KIAA0319L: variants seen among roughly 807,000 people sequenced by gnomAD.
KIAA0319L encodes dyslexia-associated protein KIAA0319-like protein.
KIAA0319L carries 55 observed loss-of-function variants against 120.1 expected under a neutral mutation model. That is an observed-to-expected ratio of 0.46 (90% CI 0.37 to 0.57). The LOEUF (loss-of-function observed/expected upper bound fraction) is 0.57. Among genes scored for constraint, KIAA0319L ranks in the 20% least tolerant of loss-of-function variants. The pLI, the probability that KIAA0319L is intolerant of heterozygous loss-of-function variation, is 0.00. For missense variants in KIAA0319L, 1,049 were observed against 1,255.3 expected (o/e 0.84, Z 2.48); for synonymous variants, 398 against 471.9 (o/e 0.84, Z 2.03).
chr1:35,532,670 G>A lies in KIAA0319L; in HGVS notation c.142+21680C>T, dbSNP rs576085804. Among the ~76,000 whole-genome samples, 11 of 152,302 alleles carry A rather than the reference G, an allele frequency of 7.2e-5. 1 individual carries two copies. The South Asian group carries it at 2.3e-3, about 32-fold the overall frequency. ...GAAAATATACTCCAATTTTAGATCA[G>A]TTCCTCTCCCTGCCCACGCTGCCAT... On this transcript the variant is annotated intron_variant, in intron 2 of 20. Coordinates refer to ENST00000325722, the MANE Select transcript of KIAA0319L (RefSeq NM_024874.5).
Position 35,543,635 on chromosome 1 carries a change from G to A in KIAA0319L, c.142+10715C>T, listed in dbSNP as rs907291591. On this transcript the variant is annotated intron_variant, in intron 2 of 20. Coordinates refer to ENST00000325722, the MANE Select transcript of KIAA0319L (RefSeq NM_024874.5). ...TACAGCCCTCAAAGTAAGGGCAAAC[G>A]AGGCAAGTGAGGGCAAGGCCTACAG... Among the ~76,000 whole-genome samples, 7 of 152,200 alleles carry A rather than the reference G, an allele frequency of 4.6e-5. No individual in the cohort carries two copies. In the East Asian group the frequency reaches 5.8e-4, roughly 13 times the overall value.
chr1:35,451,763 C>A lies in KIAA0319L; in HGVS notation c.1927G>T (p.Val643Leu). 6 of 1,614,102 alleles carry A rather than the reference C, an allele frequency of 3.7e-6. No homozygotes were observed. The Middle Eastern group carries it at 8.2e-4, about 222-fold the overall frequency. The change falls in exon 13 of 21, where the codon GTG becomes TTG. Residue 643 changes from valine (V) to leucine (L), a missense_variant. Transcript: ENST00000325722. ...CTGCTGTTAGCATTCTCGAGCTGCA[C>A]CCCATCAGGTCCCCTGCAAAAAAAG... is the stretch of plus-strand genomic sequence containing the variant. Reference protein sequence around the residue: ...LWEKTQGPDGVQLENANSSVA... With the variant: ...LWEKTQGPDGLQLENANSSVA...
In KIAA0319L at chr1:35,506,462, C is replaced by T; in HGVS notation, c.666+150G>A. 2 of 699,814 alleles carry T rather than the reference C, an allele frequency of 2.9e-6. No individual in the cohort carries two copies. The highest frequency in any genetic ancestry group is 4.8e-6 in the Non-Finnish European group (2 of 415,272). The allele number at this position is 699,814 out of a possible 1,614,324, so 43.4% of individuals were successfully genotyped here. Reference sequence around the variant, plus strand: ...TCAAATTACCCTTTGTACATCTGGGCAGCACCAAAGAAGCTGACACCAAGC... The same window carrying T: ...TCAAATTACCCTTTGTACATCTGGGTAGCACCAAAGAAGCTGACACCAAGC... On this transcript the variant is annotated intron_variant, in intron 3 of 20. Transcript: ENST00000325722. The surrounding 1 kb of genome is among the most constrained non-coding windows in gnomAD (Gnocchi z 4.0).
At chr1:35,512,971 T>A (rs998804745) in intron 2 of KIAA0319L, among the ~76,000 whole-genome samples, 1 of 151,376 alleles carries the variant, frequency 6.6e-6, no homozygotes, top group Non-Finnish European at 1.5e-5. Context: ...TTTAGGCTGC[T>A]GCCTATTTTT....
chr1:35,491,455 G>T (rs1644589802), intron 3 of KIAA0319L, among the ~76,000 whole-genome samples: 1 of 151,918 alleles, frequency 6.6e-6, no homozygotes, highest in Non-Finnish European at 1.5e-5. Flanking sequence ...AGCAGCCAGA[G>T]AAAAAAGAAA....
At chr1:35,500,429 TTTAAG>T (rs10572518) in intron 3 of KIAA0319L, among the ~76,000 whole-genome samples, 9,603 of 152,246 alleles carry the variant, frequency 0.063, 711 homozygotes, top group African/African-American at 0.18. Flanking sequence ...CTTCACCCTC[TTTAAG>T]TTGAGAAACG....
In KIAA0319L at chr1:35,454,401, G is replaced by A; in HGVS notation, c.1741C>T (p.Gln581Ter). 2 of 1,614,068 alleles carry A rather than the reference G, an allele frequency of 1.2e-6. No homozygotes were observed. Among genetic ancestry groups the A allele is most frequent in the Non-Finnish European group, 1.7e-6 (2 of 1,179,938 alleles). ...ACAGTCACTTGAGCAGTGGCCTGCT[G>A]TCCTATTGTGTCAGTCACTGTGAGC... The part of the protein sequence containing the change: ...YQLTVTDTIG[Q>*]QATAQVTVIV... The change falls in exon 11 of 21, where the codon CAG becomes TAG. Residue 581 changes from glutamine to a stop codon, truncating the protein, a stop_gained. Coordinates refer to ENST00000325722, the MANE Select transcript of KIAA0319L (RefSeq NM_024874.5). LOFTEE classifies it high-confidence loss of function.
chr1:35,446,922 C>G (rs935346053), intron 16 of KIAA0319L, among the ~76,000 whole-genome samples: 2 of 152,146 alleles, frequency 1.3e-5, no homozygotes, highest in African/African-American at 4.8e-5. Context: ...CTGACGCAGC[C>G]AGTAAGACAC....
At chr1:35,527,541 T>A (rs925594049) in intron 2 of KIAA0319L, among the ~76,000 whole-genome samples, 4 of 152,214 alleles carry the variant, frequency 2.6e-5, no homozygotes, top group Non-Finnish European at 5.9e-5. Flanking sequence ...TAGGCTTTTT[T>A]GGTTGAGAGA....
chr1:35,441,766 T>C (rs1641238278), intron 19 of KIAA0319L, among the ~76,000 whole-genome samples: 1 of 151,992 alleles, frequency 6.6e-6, no homozygotes, highest in Admixed American at 6.6e-5. Flanking sequence ...GAAGACTCAA[T>C]AGGAAGACTC....
intron 8 of KIAA0319L, among the ~76,000 whole-genome samples, chr1:35,460,673 T>C (rs1388686061): frequency 6.6e-6 from 1 of 152,204 alleles, no homozygotes; most frequent in Non-Finnish European, 1.5e-5. Context: ...CTGGTTAAAA[T>C]ACTACTGTAT....
rs1271038736 is a variant in KIAA0319L at position 35,437,212 on chromosome 1, A to G, written c.2963-2131T>C. 6.6e-6 allele frequency among the ~76,000 whole-genome samples: 1 copy of G among 152,046 alleles called. No individual in the cohort carries two copies. Among genetic ancestry groups the G allele is most frequent in the Non-Finnish European group, 1.5e-5 (1 of 67,996 alleles). On this transcript the variant is annotated intron_variant, in intron 20 of 20. Coordinates refer to ENST00000325722, the MANE Select transcript of KIAA0319L (RefSeq NM_024874.5). The surrounding 1 kb of genome is among the most constrained non-coding windows in gnomAD (Gnocchi z 4.1). ...TCCGATGTGCTGAGCTCAGGCTCCC[A>G]TCCAATCTCACCTCTGCAGCGCGGC...
At chr1:35,541,297 A>C (rs1214441239) in intron 2 of KIAA0319L, among the ~76,000 whole-genome samples, 2 of 150,752 alleles carry the variant, frequency 1.3e-5, no homozygotes, top group African/African-American at 2.4e-5. Context: ...TATGTTTTGA[A>C]GGAAGGAAGC....
intron 2 of KIAA0319L, among the ~76,000 whole-genome samples, chr1:35,526,406 T>C (rs1187559738): frequency 1.4e-5 from 2 of 141,500 alleles, no homozygotes; most frequent in African/African-American, 5.6e-5. Flanking sequence ...TATATATATA[T>C]ATATACACAC....
In KIAA0319L at chr1:35,450,542, C is replaced by T. The variant is rs1641983191; in HGVS notation, c.2063-33G>A. The T allele has an allele frequency of 1.9e-6, 3 of 1,572,992 alleles. No individual in the cohort carries two copies. The African/African-American group carries it at 4.1e-5, about 21-fold the overall frequency. On this transcript the variant is annotated intron_variant, in intron 13 of 20. Transcript: ENST00000325722. ...AAAAGAAATCATTGACATAATGTGACATTCTGGAAAAGAAGAAATGTTTCT... is the reference window on the plus strand; with the variant it reads ...AAAAGAAATCATTGACATAATGTGATATTCTGGAAAAGAAGAAATGTTTCT...
At chr1:35,480,989 T>G (rs1313534657) in intron 3 of KIAA0319L, among the ~76,000 whole-genome samples, 1 of 152,196 alleles carries the variant, frequency 6.6e-6, no homozygotes, top group Admixed American at 6.5e-5. Context: ...ACCACTGATT[T>G]GTTTGCTATC....
chr1:35,446,614 TCCTTTGGAAGCACC>T (rs1350792859), intron 16 of KIAA0319L, among the ~76,000 whole-genome samples: 4 of 152,218 alleles, frequency 2.6e-5, no homozygotes, highest in African/African-American at 4.8e-5. Flanking sequence ...AGCATCTGAA[TCCTTTGGAAGCACC>T]CCTTTTGCCA....
At chr1:35,484,718 T>C (rs1182067740) in intron 3 of KIAA0319L, among the ~76,000 whole-genome samples, 1 of 147,504 alleles carries the variant, frequency 6.8e-6, no homozygotes, top group Non-Finnish European at 1.5e-5. Flanking sequence ...GTTAAGTAAC[T>C]GTCATCTCAT....
At chr1:35,510,207 C>A (rs1645373032) in intron 2 of KIAA0319L, 1 of 152,154 alleles carries the variant, frequency 6.6e-6, no homozygotes, top group African/African-American at 2.4e-5. Context: ...AGCAGACTAT[C>A]CTACTATCAC....
Sources: allele counts gnomAD v4.1 joint callset (sites outside exome capture counted in the v4.1 genomes callset), GRCh38; gene constraint gnomAD v4.1.1; non-coding constraint Gnocchi (gnomAD v3.1); transcripts MANE v1.5; gene names NCBI Gene and HGNC (gene_info 2026-07-23, HGNC 2026-07-21).